EML1: variants seen among roughly 807,000 people sequenced by gnomAD.
The protein encoded by EML1 is echinoderm microtubule-associated protein-like 1.
A neutral mutation model predicts 110.4 loss-of-function variants in EML1; 27 were observed. The observed-to-expected ratio is 0.24, with a 90% CI of 0.18 to 0.34. The LOEUF (loss-of-function observed/expected upper bound fraction) is 0.34. Among genes scored for constraint, EML1 ranks in the 10% least tolerant of loss-of-function variants. The pLI is 1.00. For synonymous variants in EML1, 344 were observed against 385.8 expected (o/e 0.89, Z 1.27); for missense variants, 741 against 1,030.9 (o/e 0.72, Z 3.85).
chr14:99,793,522 T>C lies in EML1; in HGVS notation c.46T>C (p.Ser16Pro). Reference sequence around the variant, plus strand: ...CTACAGCAGCCTGTACGACACGTCCTCGCTGCTCCAGTTCTGCAACGGTGA... The same window carrying C: ...CTACAGCAGCCTGTACGACACGTCCCCGCTGCTCCAGTTCTGCAACGGTGA... Reference protein sequence around the residue: ...SSYSSLYDTSSLLQFCNDDSA... With the variant: ...SSYSSLYDTSPLLQFCNDDSA... The change falls in exon 1 of 22, where the codon TCG (serine) becomes CCG (proline). Residue 16 changes from serine to proline, a missense_variant. Transcript: ENST00000262233. The C allele has an allele frequency of 9.6e-7, 1 of 1,040,168 alleles. No homozygotes were observed. The highest frequency in any genetic ancestry group is 1.2e-6 in the Non-Finnish European group (1 of 861,556). 64.4% of individuals were successfully genotyped at this position (1,040,168 alleles called of 1,614,324 possible). A position where few individuals can be genotyped will look rare whatever the true frequency, so the allele number is the denominator to read the frequency against.
intron 3 of EML1, chr14:99,874,795 A>G: frequency 1.7e-6 from 1 of 595,774 alleles, no homozygotes; most frequent in African/African-American, 1.9e-5. Context: ...CCACGTCTAT[A>G]TTTGCGAACC....
In EML1 at chr14:99,909,177, G is replaced by T. The variant is rs564255276; in HGVS notation, c.1105-168G>T. On this transcript the variant is annotated intron_variant, in intron 10 of 21. Transcript: ENST00000262233. ...GGAGGAGGTATTAAGGCCCACACCA[G>T]CATATGCTTGATGTTTTTAGCAAGA... The T allele has an allele frequency of 8.7e-6, 9 of 1,035,588 alleles. No homozygotes were observed. In the South Asian group the frequency reaches 1.1e-4, roughly 12 times the overall value. 64.1% of individuals were successfully genotyped at this position (1,035,588 alleles called of 1,614,324 possible).
At chr14:99,891,646 G>T (rs942372152) in intron 5 of EML1, among the ~76,000 whole-genome samples, 22 of 152,150 alleles carry the variant, frequency 1.4e-4, no homozygotes, top group African/African-American at 4.1e-4. Flanking sequence ...TCTAAAAGTA[G>T]CTTTTCTTTT....
intron 1 of EML1, among the ~76,000 whole-genome samples, chr14:99,739,113 AGAGAGAGTGTGTGT>A (rs1363464890): frequency 1.1e-5 from 1 of 87,476 alleles, no homozygotes; most frequent in Admixed American, 1.3e-4. Context: ...ACAGAGAGAG[AGAGAGAGTGTGTGT>A]GTGTGTGTGT....
intron 2 of EML1, among the ~76,000 whole-genome samples, chr14:99,857,623 TG>T (rs1384967249): frequency 3.9e-5 from 6 of 152,198 alleles, no homozygotes; most frequent in Non-Finnish European, 4.4e-5. Context: ...GTCTACATCA[TG>T]TCTCCATAGA....
chr14:99,760,239 C>T (rs907930406), intron 1 of EML1, among the ~76,000 whole-genome samples: 6 of 152,176 alleles, frequency 3.9e-5, no homozygotes, highest in Admixed American at 2.6e-4. Context: ...AATCAGCTGT[C>T]GTCCCTTCTC....
At chr14:99,900,311 C>G (rs1294036236) in intron 8 of EML1, among the ~76,000 whole-genome samples, 1 of 151,554 alleles carries the variant, frequency 6.6e-6, no homozygotes, top group African/African-American at 2.4e-5. Flanking sequence ...CCTCAGCCTC[C>G]CAAGTAGCTG....
intron 2 of EML1, among the ~76,000 whole-genome samples, chr14:99,851,491 T>C (rs1015558167): frequency 3.9e-5 from 6 of 152,056 alleles, no homozygotes; most frequent in Non-Finnish European, 7.4e-5. Flanking sequence ...GTATTTTTAG[T>C]GGAGACAGAG....
chr14:99,768,301 A>G (rs1288592600), upstream of EML1, among the ~76,000 whole-genome samples: 2 of 152,078 alleles, frequency 1.3e-5, no homozygotes, highest in Non-Finnish European at 2.9e-5. Flanking sequence ...GGGAGGGAGG[A>G]ACTCATTCTT....
chr14:99,859,247 TCATATTG>T (rs1353738668), intron 2 of EML1, among the ~76,000 whole-genome samples: 1 of 152,102 alleles, frequency 6.6e-6, no homozygotes, highest in Admixed American at 6.5e-5. Context: ...AACTATGGAG[TCATATTG>T]CAGGGAATCT....
intron 1 of EML1, among the ~76,000 whole-genome samples, chr14:99,753,267 G>A (rs1020067821): frequency 1.4e-5 from 2 of 145,750 alleles, no homozygotes; most frequent in African/African-American, 5.1e-5. Flanking sequence ...TCTCCACCCA[G>A]TGGCCATGGT....
rs551616130 is a variant in EML1, at chr14:99,750,973, G to A, written c.28+13113G>A. On this transcript the variant is annotated intron_variant, in intron 1 of 10. Coordinates refer to the EML1 transcript ENST00000554479. ...CCCTCGCCTTCCACCTCCAGGCCTC[G>A]GTTTCCCCCCCTGTGAAATGAACTG... Among the ~76,000 whole-genome samples the A allele has an allele frequency of 3.9e-5, 6 of 152,110 alleles. No homozygotes were observed. The East Asian group carries it at 7.7e-4, about 20-fold the overall frequency.
intron 1 of EML1, among the ~76,000 whole-genome samples, chr14:99,836,416 T>A (rs1279129243): frequency 1.3e-5 from 2 of 152,186 alleles, no homozygotes; most frequent in Non-Finnish European, 2.9e-5. Context: ...TTTTGGTCAA[T>A]TCTTTGGGAT....
chr14:99,888,005 T>C (rs1213357011), intron 4 of EML1, among the ~76,000 whole-genome samples: 1 of 152,198 alleles, frequency 6.6e-6, no homozygotes, highest in African/African-American at 2.4e-5. Context: ...GCAGGAGTAA[T>C]GGGTTCTAAA....
intron 1 of EML1, among the ~76,000 whole-genome samples, chr14:99,796,619 A>G (rs2057779599): frequency 6.6e-6 from 1 of 151,406 alleles, no homozygotes; most frequent in Non-Finnish European, 1.5e-5. Flanking sequence ...TCTCTCAAGT[A>G]GCTGGGACTA....
At chr14:99,894,318 C>T (rs2059636822) in intron 5 of EML1, 1 of 175,372 alleles carries the variant, frequency 5.7e-6, no homozygotes, top group Admixed American at 6.3e-5. Context: ...TTTTTCCCCT[C>T]CTGATGATAA....
At position 99,917,866 on chromosome 14, in the gene EML1, A is replaced by G; in HGVS notation, c.1820+17A>G. 2 of 1,613,864 alleles carry G rather than the reference A, an allele frequency of 1.2e-6. No individual in the cohort carries two copies. Among genetic ancestry groups the G allele is most frequent in the Non-Finnish European group, 8.5e-7 (1 of 1,179,760 alleles). On this transcript the variant is annotated intron_variant, in intron 16 of 21. Transcript: ENST00000262233. The stretch of plus-strand genomic sequence containing the variant: ...CACTGGGAGGTAAGTCCATGCCAAC[A>G]GCGCTTGTGCTTGCAAAGCTTATGG...
Position 99,886,171 on chromosome 14 carries a change from C to T in EML1, c.519-5028C>T, listed in dbSNP as rs553789526. On this transcript the variant is annotated intron_variant, in intron 4 of 21. Transcript: ENST00000262233. ...TTCCAGCAGGAACTTTATTTCATCA[C>T]GTGAAGTCATTTTTAAAAGCAGTCA... 39 of 234,898 alleles carry T rather than the reference C, an allele frequency of 1.7e-4. 1 individual carries two copies. Among genetic ancestry groups the T allele is most frequent in the Middle Eastern group, 1.6e-3 (1 of 620 alleles). The allele number at this position is 234,898 out of a possible 1,614,324, so 14.6% of individuals were successfully genotyped here. A position where few individuals can be genotyped will look rare whatever the true frequency, so the allele number is the denominator to read the frequency against.
chr14:99,929,187 T>C (rs1029548395), intron 17 of EML1, among the ~76,000 whole-genome samples: 31 of 152,338 alleles, frequency 2.0e-4, no homozygotes, highest in Middle Eastern at 3.4e-3. Flanking sequence ...AGTCATTGCC[T>C]GGGAGCTGTG....
Sources: gnomAD v4.1 joint callset for allele counts (sites outside exome capture counted in the v4.1 genomes callset) on GRCh38, gnomAD v4.1.1 for gene constraint, MANE v1.5 for transcripts, NCBI Gene and HGNC (gene_info 2026-07-23, HGNC 2026-07-21) for gene names.